Variants in RTF2 observed in about 807,000 individuals in gnomAD.
RTF2 encodes the protein replication termination factor 2, also known as UPF0549 protein C20orf43.
A neutral mutation model predicts 38.0 loss-of-function variants in RTF2; 18 were observed. The observed-to-expected ratio is 0.47, with a 90% CI of 0.33 to 0.70. RTF2 has a LOEUF of 0.70. Ranked by LOEUF, RTF2 falls within the 30% of genes least tolerant of loss-of-function variation. The probability of loss-of-function intolerance (pLI) is 0.02; values close to 1 mark genes in which losing one functional copy is unlikely to be tolerated. For synonymous variants in RTF2, 126 were observed against 137.1 expected (o/e 0.92, Z 0.57); for missense variants, 311 against 379.6 (o/e 0.82, Z 1.50).
chr20:56,469,894 C>G, intron 1 of RTF2, among the ~76,000 whole-genome samples: 1 of 152,220 alleles, frequency 6.6e-6, no homozygotes, highest in Non-Finnish European at 1.5e-5. Context: ...GAGATTGTCA[C>G]ATGATGAGTT....
intron 5 of RTF2, chr20:56,497,724 T>G: frequency 1.5e-6 from 1 of 658,678 alleles, no homozygotes; most frequent in Non-Finnish European, 2.2e-6. Flanking sequence ...CCAACTTTAT[T>G]GAAATACACT....
intron 3 of RTF2, among the ~76,000 whole-genome samples, chr20:56,475,008 T>G (rs1295822189): frequency 6.6e-6 from 1 of 152,228 alleles, no homozygotes. Context: ...GCTTTGAAAA[T>G]TTTGATGTTC....
intron 5 of RTF2, chr20:56,491,469 A>G (rs1983120125): frequency 2.4e-6 from 2 of 824,286 alleles, no homozygotes; most frequent in Non-Finnish European, 4.0e-6. Flanking sequence ...GTTTGTATCA[A>G]GGAATCATTT....
At chr20:56,490,941 TAGAC>T (rs1181856654) in intron 5 of RTF2, among the ~76,000 whole-genome samples, 1 of 152,248 alleles carries the variant, frequency 6.6e-6, no homozygotes, top group Non-Finnish European at 1.5e-5. Flanking sequence ...GGTGAGCAGT[TAGAC>T]AGCTCAGCTG....
chr20:56,517,261 A>G, intron 8 of RTF2, 60 bp downstream of exon 8: 1 of 1,389,560 alleles, frequency 7.2e-7, no homozygotes, highest in Middle Eastern at 2.0e-4. Context: ...CAGGTGGCCG[A>G]GTCCAGGTTT....
chr20:56,503,072 A>G (rs1262373632), intron 5 of RTF2, among the ~76,000 whole-genome samples: 1 of 152,196 alleles, frequency 6.6e-6, no homozygotes, highest in African/African-American at 2.4e-5. Context: ...CCCTCGGGGT[A>G]ATGCGGCCCC....
At chr20:56,494,148 C>A (rs1409697246) in intron 5 of RTF2, among the ~76,000 whole-genome samples, 1 of 152,204 alleles carries the variant, frequency 6.6e-6, no homozygotes, top group East Asian at 1.9e-4. Flanking sequence ...GCTTGGCCTA[C>A]TTAGGGTGCT....
intron 5 of RTF2, among the ~76,000 whole-genome samples, chr20:56,508,127 T>G (rs1244321552): frequency 6.6e-6 from 1 of 152,186 alleles, no homozygotes; most frequent in African/African-American, 2.4e-5. Flanking sequence ...CACGAAAATT[T>G]ACCAGACCCA....
chr20:56,499,605 G>A (rs376440434), intron 5 of RTF2, among the ~76,000 whole-genome samples: 2 of 151,984 alleles, frequency 1.3e-5, no homozygotes, highest in African/African-American at 4.8e-5. Context: ...TGAAAGTAAA[G>A]CTTTTTACTA....
At chr20:56,468,853 C>A in intron 1 of RTF2, 87 bp downstream of exon 1, 2 of 1,134,374 alleles carry the variant, frequency 1.8e-6, no homozygotes, top group Non-Finnish European at 2.6e-6. Flanking sequence ...AAGGGGGAGC[C>A]AGCGGAGTTC....
At chr20:56,493,547 T>C (rs931602785) in intron 5 of RTF2, among the ~76,000 whole-genome samples, 1 of 151,744 alleles carries the variant, frequency 6.6e-6, no homozygotes. Context: ...TCCCAGCTAC[T>C]TGGGAGACTG....
intron 6 of RTF2, among the ~76,000 whole-genome samples, chr20:56,514,956 G>A (rs1231455828): frequency 3.3e-5 from 5 of 151,638 alleles, no homozygotes; most frequent in African/African-American, 9.7e-5. Flanking sequence ...CTGAGGCAGG[G>A]GAATCACTTG....
At chr20:56,513,062 G>A (rs916371089) in intron 5 of RTF2, among the ~76,000 whole-genome samples, 2 of 152,158 alleles carry the variant, frequency 1.3e-5, no homozygotes, top group East Asian at 3.9e-4. Context: ...AAAATGGCGG[G>A]AACCCTCCCA....
At chr20:56,504,620 T>C (rs1382610864) in intron 5 of RTF2, among the ~76,000 whole-genome samples, 3 of 152,254 alleles carry the variant, frequency 2.0e-5, no homozygotes, top group Non-Finnish European at 2.9e-5. Flanking sequence ...GGGGTCTGAC[T>C]GCACCCCTTC....
chr20:56,497,847 T>C (rs1407799108), intron 5 of RTF2, among the ~76,000 whole-genome samples: 3 of 152,222 alleles, frequency 2.0e-5, no homozygotes, highest in African/African-American at 4.8e-5. Context: ...TCCATCCACA[T>C]CTCTGGCAAT....
At position 56,491,470 on chromosome 20, in the gene RTF2, G is replaced by A. The variant is rs910639673; in HGVS notation, c.477+7281G>A. On this transcript the variant is annotated intron_variant, in intron 5 of 8. Transcript: ENST00000357348. ...TCATTTTAGGAATAGTTTGTATCAA[G>A]GAATCATTTTCCCACTTCTTTGGTT... is the stretch of plus-strand genomic sequence containing the variant. The A allele has an allele frequency of 8.5e-6, 7 of 825,570 alleles. No homozygotes were observed. In the African/African-American group the frequency reaches 1.2e-4, roughly 14 times the overall value. 51.1% of individuals were successfully genotyped at this position (825,570 alleles called of 1,614,324 possible). A position where few individuals can be genotyped will look rare whatever the true frequency, so the allele number is the denominator to read the frequency against.
At chr20:56,478,558 A>T (rs778244542) in intron 4 of RTF2, among the ~76,000 whole-genome samples, 2 of 152,206 alleles carry the variant, frequency 1.3e-5, no homozygotes, top group African/African-American at 2.4e-5. Flanking sequence ...ATGTCTAAAA[A>T]CAAAGTACCT....
At chr20:56,515,954 C>T (rs1243034506) in intron 6 of RTF2, 1 of 152,208 alleles carries the variant, frequency 6.6e-6, no homozygotes, top group Admixed American at 6.5e-5. Flanking sequence ...CTCCTTCTTG[C>T]CTGTGCTTTT....
At chr20:56,512,185 C>T (rs1035799550) in intron 5 of RTF2, among the ~76,000 whole-genome samples, 1 of 152,074 alleles carries the variant, frequency 6.6e-6, no homozygotes, top group Admixed American at 6.6e-5. Context: ...AACTGAGGCC[C>T]AGAGAAGTGG....
Sources: allele counts gnomAD v4.1 joint callset (sites outside exome capture counted in the v4.1 genomes callset), GRCh38; gene constraint gnomAD v4.1.1; transcripts MANE v1.5; gene names NCBI Gene and HGNC (gene_info 2026-07-23, HGNC 2026-07-21).